FAM53B: variants seen among roughly 807,000 people sequenced by gnomAD.
FAM53B encodes the protein family with sequence similarity 53 member B, also known as protein FAM53B.
A neutral mutation model predicts 32.7 loss-of-function variants in FAM53B; 12 were observed. The ratio of observed to expected loss-of-function variants is 0.37; its 90% CI spans 0.24 to 0.59. The LOEUF is 0.59. FAM53B is among the 20% of genes least tolerant of loss of function. The pLI is 0.72. For synonymous variants in FAM53B, 234 were observed against 228.7 expected, an observed-to-expected ratio of 1.02 and a Z score of -0.21; for missense variants, 477 against 577.7, an observed-to-expected ratio of 0.83 and a Z score of 1.79.
At chr10:124,735,055 C>T (rs959932939) in intron 1 of FAM53B, among the ~76,000 whole-genome samples, 4 of 152,154 alleles carry the variant, frequency 2.6e-5, no homozygotes, top group Non-Finnish European at 4.4e-5. Flanking sequence ...TGGGGGCAGG[C>T]GCTCCAGCTG....
intron 4 of FAM53B, among the ~76,000 whole-genome samples, chr10:124,673,082 CCTG>C (rs1311432644): frequency 5.3e-5 from 8 of 152,106 alleles, no homozygotes; most frequent in African/African-American, 7.2e-5. Context: ...GGAAGCCAGC[CCTG>C]CTGCTTTCAC....
At chr10:124,665,524 C>T (rs926208483) in intron 4 of FAM53B, among the ~76,000 whole-genome samples, 3 of 152,242 alleles carry the variant, frequency 2.0e-5, no homozygotes, top group Non-Finnish European at 4.4e-5. Flanking sequence ...ACGTGCCCCT[C>T]GCTTCCTACT....
intron 4 of FAM53B, among the ~76,000 whole-genome samples, chr10:124,630,133 C>T (rs1949381016): frequency 6.6e-6 from 1 of 152,236 alleles, no homozygotes; most frequent in African/African-American, 2.4e-5. Flanking sequence ...ATAGCATCAG[C>T]CAAGCGGGGT....
chr10:124,649,258 T>C (rs1356138761), intron 4 of FAM53B, among the ~76,000 whole-genome samples: 1 of 152,244 alleles, frequency 6.6e-6, no homozygotes. Context: ...TTTCGAAGTT[T>C]CCATGTCTTC....
intron 2 of FAM53B, among the ~76,000 whole-genome samples, chr10:124,705,870 G>A (rs1445882321): frequency 5.3e-5 from 8 of 152,244 alleles, no homozygotes; most frequent in Admixed American, 4.6e-4. Context: ...GCCAGGAGGG[G>A]TCCTGGGCAA....
At chr10:124,625,324 C>T (rs1282090339) in intron 4 of FAM53B, among the ~76,000 whole-genome samples, 1 of 152,270 alleles carries the variant, frequency 6.6e-6, no homozygotes, top group African/African-American at 2.4e-5. Flanking sequence ...AAGGTGAAGG[C>T]TGAGGTGTTG....
Position 124,623,134 on chromosome 10 carries a change from G to A in FAM53B, c.*108C>T. The A allele has an allele frequency of 7.1e-7, 1 of 1,399,674 alleles. No homozygotes were observed. The highest frequency in any genetic ancestry group is 9.6e-7 in the Non-Finnish European group (1 of 1,041,060). 86.7% of individuals were successfully genotyped at this position (1,399,674 alleles called of 1,614,324 possible). On this transcript the variant is annotated 3_prime_UTR_variant, in exon 5 of 5. Transcript: ENST00000337318. ...TCTGGGACCCGACACCACTCAGGAA[G>A]CTTTCATCAGGCCCACGAGTTGGGC...
intron 3 of FAM53B, among the ~76,000 whole-genome samples, chr10:124,689,938 G>A (rs1320733507): frequency 2.6e-5 from 4 of 152,338 alleles, no homozygotes; most frequent in Non-Finnish European, 4.4e-5. Flanking sequence ...TCCCACAGGC[G>A]TTCATAAATG....
intron 1 of FAM53B, among the ~76,000 whole-genome samples, chr10:124,719,900 C>T (rs1325892393): frequency 6.6e-6 from 1 of 152,188 alleles, no homozygotes; most frequent in Non-Finnish European, 1.5e-5. Flanking sequence ...CAGTGGCTCA[C>T]GCCTGTAATC....
intron 3 of FAM53B, among the ~76,000 whole-genome samples, chr10:124,689,183 C>T (rs1200660972): frequency 1.3e-5 from 2 of 152,172 alleles, no homozygotes; most frequent in Non-Finnish European, 2.9e-5. Flanking sequence ...GAGAAGCTCA[C>T]CAACCCATCA....
At chr10:124,634,589 C>T (rs1949414641) in intron 4 of FAM53B, among the ~76,000 whole-genome samples, 1 of 152,228 alleles carries the variant, frequency 6.6e-6, no homozygotes, top group Non-Finnish European at 1.5e-5. Flanking sequence ...TGTTTGCTTC[C>T]CCTTCCGCCA....
intron 3 of FAM53B, among the ~76,000 whole-genome samples, chr10:124,692,714 C>CAAAAAAAAAA (rs5788679): frequency 1.4e-5 from 1 of 69,058 alleles, no homozygotes; most frequent in Non-Finnish European, 2.4e-5. Context: ...TACTCCATCT[C>CAAAAAAAAAA]AAAAAAAAAA....
chr10:124,661,550 A>G (rs569385291), intron 4 of FAM53B, among the ~76,000 whole-genome samples: 2 of 152,330 alleles, frequency 1.3e-5, no homozygotes, highest in South Asian at 4.1e-4. Context: ...GGGCTCTGAG[A>G]CAATCTTACA....
In FAM53B at chr10:124,702,106, C is replaced by A. The variant is rs144789519; in HGVS notation, c.78+4530G>T. On this transcript the variant is annotated intron_variant, in intron 2 of 4. Transcript: ENST00000337318. ...AGACTTTCCCGCTCTGTGACTAAGG[C>A]CTGACTCTGGGGACCCAGGGTGAGC... 2.2e-3 allele frequency among the ~76,000 whole-genome samples: 333 copies of A among 152,274 alleles called. 1 individual carries two copies. The highest frequency in any genetic ancestry group is 7.7e-3 in the African/African-American group (318 of 41,560).
At chr10:124,734,402 C>A (rs758659607) in intron 1 of FAM53B, among the ~76,000 whole-genome samples, 6 of 152,186 alleles carry the variant, frequency 3.9e-5, no homozygotes, top group African/African-American at 1.2e-4. Context: ...ATCACAGGAA[C>A]AGTGACACAC....
chr10:124,721,207 A>C (rs1303611051), intron 1 of FAM53B, among the ~76,000 whole-genome samples: 2 of 152,254 alleles, frequency 1.3e-5, no homozygotes, highest in Non-Finnish European at 2.9e-5. Context: ...ATCTCAAAAA[A>C]TAAAGTTCAG....
chr10:124,717,578 T>A (rs1950044778), intron 1 of FAM53B, among the ~76,000 whole-genome samples: 2 of 151,826 alleles, frequency 1.3e-5, no homozygotes, highest in African/African-American at 2.4e-5. Context: ...TAAAGCAGAG[T>A]CGGAGCAGGC....
rs568001196 is a variant in FAM53B, at chr10:124,656,663, A to C, written c.906+24944T>G. ...CCGAAGGGACAACAGGGTTGATGAG[A>C]TCATAGGTGATGTGCTGCCCTCCCA... On this transcript the variant is annotated intron_variant, in intron 4 of 4. Transcript: ENST00000337318. 6.8e-4 allele frequency among the ~76,000 whole-genome samples: 104 copies of C among 152,292 alleles called. 2 individuals carry two copies. In the South Asian group the frequency reaches 0.021, roughly 31 times the overall value.
chr10:124,669,617 T>C (rs1949694728), intron 4 of FAM53B, among the ~76,000 whole-genome samples: 1 of 152,208 alleles, frequency 6.6e-6, no homozygotes, highest in South Asian at 2.1e-4. Context: ...TCACCATCCC[T>C]ACCTGACCGT....
Sources: allele counts gnomAD v4.1 joint callset (sites outside exome capture counted in the v4.1 genomes callset), GRCh38; gene constraint gnomAD v4.1.1; transcripts MANE v1.5; gene names NCBI Gene and HGNC (gene_info 2026-07-23, HGNC 2026-07-21).